Variants in NTRK3 observed in about 807,000 individuals in gnomAD.
NTRK3 encodes the protein neurotrophic receptor tyrosine kinase 3.
A neutral mutation model predicts 91.7 loss-of-function variants in NTRK3; 24 were observed. The ratio of observed to expected loss-of-function variants is 0.26; its 90% CI spans 0.19 to 0.37. NTRK3 has a LOEUF of 0.37. Ranked by LOEUF, NTRK3 falls within the 10% of genes least tolerant of loss-of-function variation. NTRK3 has a pLI of 1.00. For synonymous variants in NTRK3, 483 were observed against 404.0 expected (o/e 1.20, Z -2.34); for missense variants, 880 against 1,068.9 (o/e 0.82, Z 2.46).
chr15:87,950,971 T>G (rs1183024849), intron 14 of NTRK3, among the ~76,000 whole-genome samples: 1 of 152,132 alleles, frequency 6.6e-6, no homozygotes, highest in Non-Finnish European at 1.5e-5. Context: ...TTCAGGACAG[T>G]TTTTAGTCTG....
At chr15:88,142,254 A>G (rs576918169) in intron 6 of NTRK3, among the ~76,000 whole-genome samples, 10 of 152,344 alleles carry the variant, frequency 6.6e-5, no homozygotes, top group South Asian at 2.1e-4. Context: ...AGTCCTGCGG[A>G]ACCTAAAGCA....
At chr15:88,169,626 A>T (rs894482226) in intron 5 of NTRK3, among the ~76,000 whole-genome samples, 3 of 152,216 alleles carry the variant, frequency 2.0e-5, no homozygotes, top group Admixed American at 2.0e-4. Context: ...CAAAGATTCC[A>T]ACCCTTTAGT....
At chr15:88,051,865 A>G (rs566551763) in intron 13 of NTRK3, among the ~76,000 whole-genome samples, 1 of 152,372 alleles carries the variant, frequency 6.6e-6, no homozygotes, top group East Asian at 1.9e-4. Flanking sequence ...TATATGCCCT[A>G]AAGTCTTCCA....
At chr15:87,929,251 C>A (rs748187651) in exon 17 of NTRK3, 1 of 1,614,106 alleles carries the variant, frequency 6.2e-7, no homozygotes, top group Admixed American at 1.7e-5. Context: ...TCTTCACTAG[C>A]AGATTCGCTC....
intron 13 of NTRK3, among the ~76,000 whole-genome samples, chr15:88,047,060 A>G (rs907726312): frequency 1.3e-5 from 2 of 152,072 alleles, no homozygotes; most frequent in African/African-American, 4.8e-5. Flanking sequence ...AGGGCCATGT[A>G]CTCTAAGCCC....
At chr15:87,955,401 T>C (rs977931134) in intron 14 of NTRK3, among the ~76,000 whole-genome samples, 1 of 152,234 alleles carries the variant, frequency 6.6e-6, no homozygotes, top group African/African-American at 2.4e-5. Flanking sequence ...CTGTTTGTTA[T>C]CTGCTGCACG....
chr15:87,869,523 G>A (rs983970662), exon 19 of NTRK3: 26 of 218,156 alleles, frequency 1.2e-4, no homozygotes, highest in East Asian at 7.4e-4. Flanking sequence ...CGAATCATTC[G>A]GTCCAATTTT....
chr15:87,919,960 C>G (rs1041418415), intron 17 of NTRK3, among the ~76,000 whole-genome samples: 6 of 152,162 alleles, frequency 3.9e-5, no homozygotes, highest in Admixed American at 3.9e-4. Flanking sequence ...CTAAAAAAAT[C>G]AAGTCTTCTT....
chr15:88,221,793 A>T (rs1413353425), intron 3 of NTRK3, among the ~76,000 whole-genome samples: 3 of 152,200 alleles, frequency 2.0e-5, no homozygotes, highest in Admixed American at 6.5e-5. Flanking sequence ...TCAATGGCTC[A>T]CAAGGGCCTG....
chr15:87,999,494 AT>A (rs1267860442), intron 14 of NTRK3, among the ~76,000 whole-genome samples: 1 of 152,176 alleles, frequency 6.6e-6, no homozygotes, highest in Non-Finnish European at 1.5e-5. Context: ...CACCTCAAAC[AT>A]TTTTTGCAAT....
In NTRK3 at chr15:88,133,306, C is replaced by A. The variant is rs547739221; in HGVS notation, c.1204+1795G>T. On this transcript the variant is annotated intron_variant, in intron 10 of 18. Coordinates refer to ENST00000394480, the Ensembl canonical transcript of NTRK3. ...GCTGAGAAGACGCAAAGTATTGCTT[C>A]CTCCTGAGACAAAGGAGAGAACGGA... is the stretch of plus-strand genomic sequence containing the variant. Among the ~76,000 whole-genome samples the A allele has an allele frequency of 1.7e-3, 265 of 152,230 alleles. 1 individual carries two copies. Among genetic ancestry groups the A allele is most frequent in the African/African-American group, 6.0e-3 (250 of 41,530 alleles).
chr15:88,078,452 C>T (rs1387396844), intron 13 of NTRK3, among the ~76,000 whole-genome samples: 2 of 152,332 alleles, frequency 1.3e-5, no homozygotes, highest in East Asian at 3.9e-4. Flanking sequence ...AGTTCAAAGA[C>T]CAGCCTGGCC....
intron 16 of NTRK3, among the ~76,000 whole-genome samples, chr15:87,932,164 G>A (rs536762138): frequency 3.3e-5 from 5 of 152,306 alleles, no homozygotes; most frequent in Middle Eastern, 3.4e-3. Context: ...TCTGGCTGGC[G>A]TTCCAGTCTC....
In NTRK3 at chr15:88,223,096, C is replaced by G. The variant is rs139929128; in HGVS notation, c.248+32810G>C. Among the ~76,000 whole-genome samples, 297 of 152,286 alleles carry G rather than the reference C, an allele frequency of 2.0e-3. 1 individual carries two copies. The highest frequency in any genetic ancestry group is 6.8e-3 in the African/African-American group (282 of 41,562). ...TGCTTGCCTCCCTGCTCCCTCCAGC[C>G]AGAGCTGCGGGCTCGGGAGGCGGGT... On this transcript the variant is annotated intron_variant, in intron 3 of 18. Transcript: ENST00000394480.
At chr15:88,104,173 G>A (rs1388936091) in intron 13 of NTRK3, among the ~76,000 whole-genome samples, 3 of 152,190 alleles carry the variant, frequency 2.0e-5, no homozygotes, top group Non-Finnish European at 4.4e-5. Context: ...ATATGACAAG[G>A]TGGATGAGAC....
intron 13 of NTRK3, among the ~76,000 whole-genome samples, chr15:88,074,259 G>A (rs1320847617): frequency 3.3e-5 from 5 of 152,186 alleles, no homozygotes; most frequent in Admixed American, 6.5e-5. Context: ...TCTTGCTGCC[G>A]GAAAGAACCA....
chr15:87,876,790 T>C, exon 19 of NTRK3: 1 of 881,132 alleles, frequency 1.1e-6, no homozygotes, highest in Non-Finnish European at 1.8e-6. Context: ...TTTCCTTTTT[T>C]CAGTGTTGTA....
intron 5 of NTRK3, among the ~76,000 whole-genome samples, chr15:88,170,212 C>T (rs2045376537): frequency 6.6e-6 from 1 of 152,148 alleles, no homozygotes. Flanking sequence ...CACAAAAAAT[C>T]AATGATTACA....
intron 13 of NTRK3, among the ~76,000 whole-genome samples, chr15:88,095,498 AG>A (rs1168386344): frequency 2.6e-5 from 4 of 152,184 alleles, no homozygotes; most frequent in African/African-American, 9.6e-5. Context: ...TGGAGTCAGA[AG>A]GAGGAAAGCA....
Sources: allele counts gnomAD v4.1 joint callset (sites outside exome capture counted in the v4.1 genomes callset), GRCh38; gene constraint gnomAD v4.1.1; transcripts MANE v1.5; gene names NCBI Gene and HGNC (gene_info 2026-07-23, HGNC 2026-07-21).